The following WDR73 variants were observed in gnomAD, a reference collection of about 807,000 sequenced individuals.
The protein encoded by WDR73 is WD repeat domain 73.
Under a neutral mutation model 38.2 loss-of-function variants are expected in WDR73, and 30 were observed. That is an observed-to-expected ratio of 0.79 (90% CI 0.59 to 1.06). The LOEUF (loss-of-function observed/expected upper bound fraction) is 1.06, where lower values mean the gene tolerates loss of function less well. WDR73 is among the 50% of genes least tolerant of loss of function. WDR73 has a pLI of 0.00. For missense variants in WDR73, 487 were observed against 467.0 expected, an observed-to-expected ratio of 1.04 and a Z score of -0.40; for synonymous variants, 197 against 176.0, an observed-to-expected ratio of 1.12 and a Z score of -0.94.
rs941802640 is a variant in WDR73 at position 84,645,140 on chromosome 15, C to T, written c.883+331G>A. Reference sequence around the variant, plus strand: ...TAATTTTTTGTATTTTTAGTAGGGACGGGGTTTCACCGTGTTAGCCACTGT... The same window carrying T: ...TAATTTTTTGTATTTTTAGTAGGGATGGGGTTTCACCGTGTTAGCCACTGT... On this transcript the variant is annotated intron_variant, in intron 7 of 7. Coordinates refer to ENST00000434634, the MANE Select transcript of WDR73 (RefSeq NM_032856.5). 2.1e-5 allele frequency: 23 copies of T among 1,099,218 alleles called. 1 individual carries two copies. The Middle Eastern group carries it at 2.1e-3, about 100-fold the overall frequency. The allele number at this position is 1,099,218 out of a possible 1,614,324, so 68.1% of individuals were successfully genotyped here. A position where few individuals can be genotyped will look rare whatever the true frequency, so the allele number is the denominator to read the frequency against.
Position 84,647,883 on chromosome 15 carries a change from C to T in WDR73, c.352+7G>A. ...ACCCCAAACCCCATCAAGTCAAATT[C>T]ACTCACCACTGTCCTCTGCAACCTG... is the stretch of plus-strand genomic sequence containing the variant. On this transcript the variant is annotated splice_region_variant and intron_variant, in intron 5 of 7. Transcript: ENST00000434634. The T allele has an allele frequency of 6.2e-7, 1 of 1,613,918 alleles. No homozygotes were observed. The highest frequency in any genetic ancestry group is 8.5e-7 in the Non-Finnish European group (1 of 1,179,836).
Position 84,653,703 on chromosome 15 carries a change from C to T in WDR73, c.42-4G>A, listed in dbSNP as rs1460826263. 1 of 1,585,476 alleles carries T rather than the reference C, an allele frequency of 6.3e-7. No homozygotes were observed. ...GAATGCATAGAAATCCTGGTACCTG[C>T]ACAAAAGGGACACAGAATCACACGA... On this transcript the variant is annotated splice_region_variant and splice_polypyrimidine_tract_variant and intron_variant, in intron 1 of 7. Transcript: ENST00000434634.
chr15:84,649,476 T>A (rs1331491588), intron 3 of WDR73, among the ~76,000 whole-genome samples: 2 of 151,242 alleles, frequency 1.3e-5, no homozygotes, highest in Admixed American at 6.6e-5. Flanking sequence ...TTTTTTTTTT[T>A]AACTTTTTTT....
intron 4 of WDR73, 100 bp from the exon 5 acceptor site, chr15:84,648,054 A>G (rs1238751426): frequency 1.0e-6 from 1 of 1,000,470 alleles, no homozygotes; most frequent in Non-Finnish European, 1.6e-6. Context: ...CACTTCCCAT[A>G]TCAGGACATC....
Position 84,652,786 on chromosome 15 carries a change from G to A in WDR73, c.126C>T (p.Gly42=). ...TTTCATTCTTTTTCAGGCTTTCATAGCCAGCAACAAAGACTCCTGGAAAAA... is the reference window on the plus strand; with the variant it reads ...TTTCATTCTTTTTCAGGCTTTCATAACCAGCAACAAAGACTCCTGGAAAAA... ...WIDDKGVFVA[G]YESLKKNEIL... Residue 42 remains glycine (G), a synonymous_variant, in exon 3 of 8, where the codon GGC becomes GGT. Transcript: ENST00000434634. The A allele has an allele frequency of 1.3e-6, 2 of 1,534,480 alleles. No homozygotes were observed. The highest frequency in any genetic ancestry group is 8.8e-7 in the Non-Finnish European group (1 of 1,139,120).
In WDR73 at chr15:84,648,542, A is replaced by G; in HGVS notation, c.282T>C (p.His94=). The G allele has an allele frequency of 1.2e-6, 2 of 1,612,858 alleles. No individual in the cohort carries two copies. The highest frequency in any genetic ancestry group is 1.7e-6 in the Non-Finnish European group (2 of 1,178,826). Residue 94 remains histidine (H), a synonymous_variant, in exon 4 of 8, where the codon CAT becomes CAC. Transcript: ENST00000434634. ...GATCACAAAATTGACCATACCTGGT[A>G]TGTGGCACATGCTTTAGATCAAAGA... ...RSIFDLKHVP[H]TRLLVTSGLP...
intron 6 of WDR73, 134 bp from the exon 7 acceptor site, chr15:84,645,970 C>T: frequency 6.5e-7 from 1 of 1,547,812 alleles, no homozygotes. Flanking sequence ...CCACTCATCT[C>T]ACCATTGTCT....
rs185538375 is a variant in WDR73 at position 84,643,481 on chromosome 15, C to A, written c.1126G>T (p.Ala376Ser). The A allele has an allele frequency of 2.0e-4, 313 of 1,556,620 alleles. No homozygotes were observed. In the African/African-American group the frequency reaches 3.9e-3, roughly 19 times the overall value. Reference sequence around the variant, plus strand: ...GAAAGATGCTGGTGTCAGCGGGGGGCACAAAGGTCCACCCAGTCCCACACA... The same window carrying A: ...GAAAGATGCTGGTGTCAGCGGGGGGAACAAAGGTCCACCCAGTCCCACACA... ...LHVWDWVDLC[A>S]PR is the part of the protein sequence containing the mutation. Residue 376 changes from alanine (A) to serine (S), a missense_variant, in exon 8 of 8, where the codon GCC (alanine) becomes TCC (serine). Coordinates refer to ENST00000434634, the MANE Select transcript of WDR73 (RefSeq NM_032856.5).
At chr15:84,649,958 T>A (rs1332709492) in intron 3 of WDR73, among the ~76,000 whole-genome samples, 2 of 152,090 alleles carry the variant, frequency 1.3e-5, no homozygotes, top group Non-Finnish European at 2.9e-5. Flanking sequence ...TATAATTCAG[T>A]ATGTTTGGGA....
intron 5 of WDR73, 196 bp downstream of exon 5, chr15:84,647,694 A>G: frequency 1.7e-6 from 1 of 598,002 alleles, no homozygotes; most frequent in East Asian, 2.8e-5. Context: ...GACAGGTTTC[A>G]CCATGTTGTA....
Position 84,643,382 on chromosome 15 carries a change from C to G in WDR73, c.*88G>C. On this transcript the variant is annotated 3_prime_UTR_variant, in exon 8 of 8. Transcript: ENST00000434634. ...AAGGCCACACAGCTGGTAACAGGGA[C>G]TGGTAGTCACTTGAGTCCTACATGA... 6.8e-7 allele frequency: 1 copy of G among 1,471,864 alleles called. No homozygotes were observed. Among genetic ancestry groups the G allele is most frequent in the East Asian group, 2.5e-5 (1 of 40,392 alleles). The allele number at this position is 1,471,864 out of a possible 1,614,324, so 91.2% of individuals were successfully genotyped here.
At chr15:84,649,362 A>G (rs1596053885) in intron 3 of WDR73, among the ~76,000 whole-genome samples, 1 of 151,366 alleles carries the variant, frequency 6.6e-6, no homozygotes, top group Non-Finnish European at 1.5e-5. Context: ...GTCTGGGTGA[A>G]CCCCTGACTC....
chr15:84,645,186 G>C, intron 7 of WDR73: 1 of 1,279,392 alleles, frequency 7.8e-7, no homozygotes, highest in Non-Finnish European at 1.0e-6. Context: ...TTCTGACCCA[G>C]CCCGATGTCT....
chr15:84,644,883 C>G (rs1360040096), intron 7 of WDR73: 1 of 153,842 alleles, frequency 6.5e-6, no homozygotes, highest in Admixed American at 6.4e-5. Context: ...GGCCAACTTG[C>G]TACATTTCAA....
At chr15:84,652,057 G>A (rs1386688662) in intron 3 of WDR73, among the ~76,000 whole-genome samples, 1 of 152,012 alleles carries the variant, frequency 6.6e-6, no homozygotes, top group Non-Finnish European at 1.5e-5. Context: ...TAGTAGAGAC[G>A]GGGTTTCACC....
At chr15:84,651,708 C>T (rs1016631790) in intron 3 of WDR73, among the ~76,000 whole-genome samples, 5 of 152,138 alleles carry the variant, frequency 3.3e-5, no homozygotes, top group Admixed American at 1.3e-4. Context: ...TCTGTGTTTC[C>T]GACTAGTTGC....
At chr15:84,645,331 GGA>G (rs753656421) in intron 7 of WDR73, 138 bp downstream of exon 7, 577 of 1,531,550 alleles carry the variant, frequency 3.8e-4, no homozygotes, top group Non-Finnish European at 4.6e-4. Context: ...TGAAGAACCT[GGA>G]GAGTTCGAAT....
rs1896535380 is a variant in WDR73 at position 84,648,625 on chromosome 15, C to T, written c.199G>A (p.Gly67Ser). ...TTGAAATCTCTTTCTGGGAATAAGC[C>T]CTAAAATACAAAGGAGTAGCCAATC... Reference protein sequence around the residue: ...PLRLSVKENKGLFPERDFKVR... With the variant: ...PLRLSVKENKSLFPERDFKVR... Residue 67 changes from glycine (G) to serine (S), a missense_variant and splice_region_variant, in exon 4 of 8, where the codon GGC (glycine) becomes AGC (serine). Gly to Ser is a moderately conservative substitution (Grantham distance 56). Coordinates refer to ENST00000434634, the MANE Select transcript of WDR73 (RefSeq NM_032856.5). The T allele has an allele frequency of 1.2e-6, 2 of 1,612,316 alleles. No homozygotes were observed. Among genetic ancestry groups the T allele is most frequent in the African/African-American group, 1.3e-5 (1 of 74,862 alleles).
intron 2 of WDR73, 81 bp downstream of exon 2, chr15:84,653,551 T>C (rs988643394): frequency 9.5e-7 from 1 of 1,051,236 alleles, no homozygotes; most frequent in African/African-American, 1.6e-5. Context: ...GAAGAGTGGG[T>C]TGGGTCCCTC....
Sources: allele counts gnomAD v4.1 joint callset (sites outside exome capture counted in the v4.1 genomes callset), GRCh38; gene constraint gnomAD v4.1.1; transcripts MANE v1.5; gene names NCBI Gene and HGNC (gene_info 2026-07-23, HGNC 2026-07-21).